Variants in DIPK1A observed in about 807,000 individuals in gnomAD.
The protein encoded by DIPK1A is family with sequence similarity 69 member A.
A neutral mutation model predicts 40.8 loss-of-function variants in DIPK1A; 27 were observed. That is an observed-to-expected ratio of 0.66 (90% CI 0.49 to 0.91). The LOEUF is 0.91. Ranked by LOEUF, DIPK1A falls within the 40% of genes least tolerant of loss-of-function variation. DIPK1A has a pLI of 0.00. For synonymous variants in DIPK1A, 166 were observed against 171.3 expected, an observed-to-expected ratio of 0.97 and a Z score of 0.24; for missense variants, 412 against 505.7, an observed-to-expected ratio of 0.81 and a Z score of 1.78.
At chr1:92,951,631 T>C (rs1365811934) in intron 1 of DIPK1A, among the ~76,000 whole-genome samples, 1 of 152,222 alleles carries the variant, frequency 6.6e-6, no homozygotes, top group African/African-American at 2.4e-5. Flanking sequence ...GGAAAACTAA[T>C]ACTCTTTATT....
At chr1:92,919,623 G>T (rs941147821) in intron 1 of DIPK1A, among the ~76,000 whole-genome samples, 1 of 152,154 alleles carries the variant, frequency 6.6e-6, no homozygotes, top group African/African-American at 2.4e-5. Flanking sequence ...ATTACTCTGA[G>T]TATACTATGC....
At chr1:92,838,113 A>G (rs1020002000), downstream of DIPK1A, among the ~76,000 whole-genome samples, 6 of 152,200 alleles carry the variant, frequency 3.9e-5, no homozygotes, top group Admixed American at 6.5e-5. Flanking sequence ...GATGAGAGCC[A>G]TTCCTGACCC....
At chr1:92,950,510 A>T (rs1480844099) in intron 1 of DIPK1A, among the ~76,000 whole-genome samples, 1 of 152,254 alleles carries the variant, frequency 6.6e-6, no homozygotes, top group African/African-American at 2.4e-5. Context: ...TGAAAGGGTT[A>T]GACTGGGCTA....
rs144817074 is a variant in DIPK1A at position 92,919,451 on chromosome 1, T to C, written c.54+41925A>G. 1.3e-3 allele frequency among the ~76,000 whole-genome samples: 200 copies of C among 152,330 alleles called. 1 individual carries two copies. The highest frequency in any genetic ancestry group is 4.7e-3 in the African/African-American group (194 of 41,574). ...CTTCTCTAGGCCTTTGCATATTCTC[T>C]TTCTTCTTTCGAAGTACCTTTCACT... is the stretch of plus-strand genomic sequence containing the variant. On this transcript the variant is annotated intron_variant, in intron 1 of 4. Transcript: ENST00000370310.
At chr1:92,846,811 A>ATGTGTG (rs1450992855) in intron 4 of DIPK1A, among the ~76,000 whole-genome samples, 6 of 3,192 alleles carry the variant, frequency 1.9e-3, no homozygotes, top group African/African-American at 0.014. Flanking sequence ...ATATATATAT[A>ATGTGTG]TATATATATA....
chr1:92,876,516 G>T, intron 1 of DIPK1A, 86 bp from the exon 2 acceptor site: 6 of 1,390,072 alleles, frequency 4.3e-6, no homozygotes, highest in Non-Finnish European at 6.0e-6. Flanking sequence ...CACCCTTCTT[G>T]GAACAACTCA....
chr1:92,960,590 A>T (rs1243117742), intron 1 of DIPK1A, among the ~76,000 whole-genome samples: 1 of 152,220 alleles, frequency 6.6e-6, no homozygotes, highest in African/African-American at 2.4e-5. Context: ...ACAGACTGGC[A>T]GCGGAACAGA....
At position 92,862,167 on chromosome 1, in the gene DIPK1A, G is replaced by C. The variant is rs146058573; in HGVS notation, c.190-11212C>G. Among the ~76,000 whole-genome samples, 371 of 152,282 alleles carry C rather than the reference G, an allele frequency of 2.4e-3. 2 individuals carry two copies. Among genetic ancestry groups the C allele is most frequent in the Admixed American group, 4.9e-3 (75 of 15,296 alleles). ...ATCAGTGACATTCCCACAGCTCTGA[G>C]GAATCCTGGCTCTATCCCAGCCTAG... is the stretch of plus-strand genomic sequence containing the variant. On this transcript the variant is annotated intron_variant, in intron 2 of 4. Coordinates refer to ENST00000370310, the MANE Select transcript of DIPK1A (RefSeq NM_001006605.5).
intron 1 of DIPK1A, among the ~76,000 whole-genome samples, chr1:92,953,411 T>C (rs1293350301): frequency 6.6e-6 from 1 of 152,080 alleles, no homozygotes; most frequent in African/African-American, 2.4e-5. Flanking sequence ...CTTCTGGATA[T>C]ACAAAAAAAT....
chr1:92,837,814 G>T, downstream of DIPK1A: 1 of 616,436 alleles, frequency 1.6e-6, no homozygotes, highest in Non-Finnish European at 2.9e-6. Context: ...AGCATCTGAA[G>T]ATTTGGCTAC....
At chr1:92,940,749 T>A (rs1264965894) in intron 1 of DIPK1A, among the ~76,000 whole-genome samples, 1 of 152,258 alleles carries the variant, frequency 6.6e-6, no homozygotes, top group East Asian at 1.9e-4. Flanking sequence ...TCATTTTACA[T>A]CAATGTATGA....
At chr1:92,841,735 T>A, downstream of DIPK1A, 1 of 1,453,758 alleles carries the variant, frequency 6.9e-7, no homozygotes, top group African/African-American at 1.4e-5. Context: ...TCAGTTATAG[T>A]TTAAAAAATA....
At chr1:92,921,337 G>T (rs767493907) in intron 1 of DIPK1A, among the ~76,000 whole-genome samples, 1 of 152,066 alleles carries the variant, frequency 6.6e-6, no homozygotes. Context: ...AATTGTGAAC[G>T]ATGTCCCAGA....
At chr1:92,951,577 T>G (rs933659943) in intron 1 of DIPK1A, among the ~76,000 whole-genome samples, 16 of 152,194 alleles carry the variant, frequency 1.1e-4, no homozygotes. Flanking sequence ...AAATGGGCGT[T>G]GTTTTAAGCC....
At chr1:92,903,633 T>C (rs909683323) in intron 1 of DIPK1A, among the ~76,000 whole-genome samples, 18 of 152,276 alleles carry the variant, frequency 1.2e-4, no homozygotes, top group African/African-American at 3.6e-4. Flanking sequence ...AAAGTGATTA[T>C]AGGAGGCAGG....
chr1:92,944,810 A>G (rs112745009), intron 1 of DIPK1A, among the ~76,000 whole-genome samples: 4,601 of 152,038 alleles, frequency 0.03, 201 homozygotes, highest in African/African-American at 0.1. Flanking sequence ...GAACCCAGGA[A>G]TTTGAGACCA....
chr1:92,906,755 T>C (rs1649640323), intron 1 of DIPK1A, among the ~76,000 whole-genome samples: 1 of 152,280 alleles, frequency 6.6e-6, no homozygotes, highest in Non-Finnish European at 1.5e-5. Flanking sequence ...ACTCTTGCTC[T>C]TTTCACGATG....
At chr1:92,896,946 C>A (rs1649197469) in intron 1 of DIPK1A, among the ~76,000 whole-genome samples, 2 of 151,880 alleles carry the variant, frequency 1.3e-5, no homozygotes, top group Non-Finnish European at 2.9e-5. Flanking sequence ...AAATCAAAAC[C>A]ACAGTGAGAT....
chr1:92,840,002 C>T (rs1298858540), downstream of DIPK1A, among the ~76,000 whole-genome samples: 1 of 151,046 alleles, frequency 6.6e-6, no homozygotes, highest in Non-Finnish European at 1.5e-5. Context: ...CCACCATGCC[C>T]TGCTAATTTT....
Sources: allele counts gnomAD v4.1 joint callset (sites outside exome capture counted in the v4.1 genomes callset), GRCh38; gene constraint gnomAD v4.1.1; transcripts MANE v1.5; gene names NCBI Gene and HGNC (gene_info 2026-07-23, HGNC 2026-07-21).